Variants in TMEM45A observed in about 807,000 individuals in gnomAD.
TMEM45A encodes transmembrane protein 45A.
In TMEM45A, 25 loss-of-function variants were observed where a neutral mutation model predicts 32.0. The observed-to-expected ratio is 0.78, with a 90% CI of 0.57 to 1.09. The LOEUF is 1.09. Ranked by LOEUF, TMEM45A falls within the 50% of genes least tolerant of loss-of-function variation. The pLI, the probability that TMEM45A is intolerant of heterozygous loss-of-function variation, is 0.00. For synonymous variants in TMEM45A, 122 were observed against 114.8 expected, an observed-to-expected ratio of 1.06 and a Z score of -0.40; for missense variants, 302 against 325.0, an observed-to-expected ratio of 0.93 and a Z score of 0.54.
chr3:100,525,012 G>T (rs955219893), intron 1 of TMEM45A, among the ~76,000 whole-genome samples: 5 of 152,002 alleles, frequency 3.3e-5, no homozygotes, highest in Admixed American at 2.6e-4. Context: ...AACATAGTGA[G>T]ACCTTGTCTT....
In TMEM45A at chr3:100,531,616, A is replaced by G. The variant is rs151242298; in HGVS notation, c.-3-23593A>G. 1.0e-3 allele frequency among the ~76,000 whole-genome samples: 157 copies of G among 152,352 alleles called. 1 individual carries two copies. Among genetic ancestry groups the G allele is most frequent in the Middle Eastern group, 3.4e-3 (1 of 294 alleles). Reference sequence around the variant, plus strand: ...GCAATTGAATTGCTATCATGATGGTAGTAAGCAGCACTGCTTTAATTATCA... The same window carrying G: ...GCAATTGAATTGCTATCATGATGGTGGTAAGCAGCACTGCTTTAATTATCA... On this transcript the variant is annotated intron_variant, in intron 1 of 5. Coordinates refer to ENST00000323523, the MANE Select transcript of TMEM45A (RefSeq NM_018004.3).
rs140517961 is a variant in TMEM45A, at chr3:100,525,684, G to A, written c.-3-29525G>A. On this transcript the variant is annotated intron_variant, in intron 1 of 5. Coordinates refer to ENST00000323523, the MANE Select transcript of TMEM45A (RefSeq NM_018004.3). Reference sequence around the variant, plus strand: ...CAAAAGTGGAGACAGAGCATTCCAGGTAGAGGAAACAGCCTTCCGGGGAGT... The same window carrying A: ...CAAAAGTGGAGACAGAGCATTCCAGATAGAGGAAACAGCCTTCCGGGGAGT... 2.1e-3 allele frequency among the ~76,000 whole-genome samples: 325 copies of A among 152,286 alleles called. 1 individual carries two copies. The highest frequency in any genetic ancestry group is 7.7e-3 in the African/African-American group (318 of 41,550).
intron 1 of TMEM45A, among the ~76,000 whole-genome samples, chr3:100,493,688 T>A (rs1184108316): frequency 6.6e-6 from 1 of 152,156 alleles, no homozygotes; most frequent in Admixed American, 6.5e-5. Flanking sequence ...ATGTATGCTA[T>A]ATAGTATACT....
At chr3:100,533,647 A>G (rs968110311) in intron 1 of TMEM45A, among the ~76,000 whole-genome samples, 2 of 151,894 alleles carry the variant, frequency 1.3e-5, no homozygotes, top group Middle Eastern at 3.2e-3. Flanking sequence ...CACCCTTCAC[A>G]CTGAGACACA....
intron 1 of TMEM45A, among the ~76,000 whole-genome samples, chr3:100,521,516 G>A (rs1034110280): frequency 6.6e-6 from 1 of 152,140 alleles, no homozygotes; most frequent in Non-Finnish European, 1.5e-5. Context: ...GCCTTCCAAC[G>A]TGCTGGGATT....
At chr3:100,539,634 G>A (rs1705825106) in intron 1 of TMEM45A, among the ~76,000 whole-genome samples, 1 of 152,070 alleles carries the variant, frequency 6.6e-6, no homozygotes, top group South Asian at 2.1e-4. Context: ...CTGAGGACCA[G>A]GAGCTCCTAT....
chr3:100,556,621 T>A, intron 2 of TMEM45A, 139 bp from the exon 3 acceptor site: 1 of 812,932 alleles, frequency 1.2e-6, no homozygotes, highest in South Asian at 1.7e-5. Context: ...AGTGCTCAGC[T>A]GTTAGGGAAC....
intron 1 of TMEM45A, among the ~76,000 whole-genome samples, chr3:100,522,298 G>A (rs1705451984): frequency 6.6e-6 from 1 of 152,164 alleles, no homozygotes; most frequent in Admixed American, 6.5e-5. Flanking sequence ...GGGAGATGCA[G>A]TATCAGTCCC....
At chr3:100,555,113 A>G in intron 1 of TMEM45A, 96 bp from the exon 2 acceptor site, 1 of 1,102,478 alleles carries the variant, frequency 9.1e-7, no homozygotes, top group Non-Finnish European at 1.3e-6. Flanking sequence ...ATCCATAATA[A>G]TCAGAAGACA....
At chr3:100,501,171 A>C (rs1708003243) in intron 1 of TMEM45A, among the ~76,000 whole-genome samples, 1 of 152,254 alleles carries the variant, frequency 6.6e-6, no homozygotes, top group Admixed American at 6.5e-5. Context: ...GTCTGATTTT[A>C]GTTCTCTTTT....
At chr3:100,564,530 C>G (rs1018413330) in intron 4 of TMEM45A, among the ~76,000 whole-genome samples, 2 of 151,546 alleles carry the variant, frequency 1.3e-5, no homozygotes, top group Non-Finnish European at 2.9e-5. Flanking sequence ...GGCTGTGGGC[C>G]AGGAGTGCAG....
At chr3:100,550,158 C>T in intron 1 of TMEM45A, among the ~76,000 whole-genome samples, 1 of 144,158 alleles carries the variant, frequency 6.9e-6, no homozygotes. Context: ...AACTAACCTG[C>T]ACAATGTGCA....
Position 100,577,065 on chromosome 3 carries a change from A to ATTGTCT in TMEM45A, c.*51_*52insCTTTGT, listed in dbSNP as rs5851214. ...TCTAGATAAACCTTTTCTTTTTTAC[A>ATTGTCT]TTGTTCTTGGTTTTGTTTCTCGATC... On this transcript the variant is annotated 3_prime_UTR_variant, in exon 6 of 6. Coordinates refer to ENST00000323523, the MANE Select transcript of TMEM45A (RefSeq NM_018004.3). The ATTGTCT allele has an allele frequency of 0.14, 208,970 of 1,480,756 alleles. 19,721 individuals are homozygous for ATTGTCT. The highest frequency in any genetic ancestry group is 0.36 in the African/African-American group (25,290 of 71,132). The allele number at this position is 1,480,756 out of a possible 1,614,324, so 91.7% of individuals were successfully genotyped here.
At chr3:100,562,359 G>A (rs577969873) in intron 4 of TMEM45A, among the ~76,000 whole-genome samples, 1 of 152,208 alleles carries the variant, frequency 6.6e-6, no homozygotes, top group Admixed American at 6.5e-5. Flanking sequence ...TAATTTATTC[G>A]TGTTTGGCCT....
intron 1 of TMEM45A, chr3:100,519,052 A>C (rs573699306): frequency 2.8e-4 from 45 of 158,272 alleles, no homozygotes; most frequent in Admixed American, 1.5e-3. Context: ...AATCAGATTT[A>C]CATGTCTGAT....
chr3:100,506,737 T>C (rs1401294094), intron 1 of TMEM45A, among the ~76,000 whole-genome samples: 2 of 152,144 alleles, frequency 1.3e-5, no homozygotes, highest in East Asian at 1.9e-4. Context: ...TCCTAAGAGG[T>C]TGGAGCTAAG....
chr3:100,576,779 C>A, intron 5 of TMEM45A, 146 bp from the exon 6 acceptor site: 1 of 684,494 alleles, frequency 1.5e-6, no homozygotes. Context: ...CAGGCAGCTC[C>A]AAAGCCAAAT....
At chr3:100,520,331 C>T (rs1705410420) in intron 1 of TMEM45A, among the ~76,000 whole-genome samples, 1 of 152,080 alleles carries the variant, frequency 6.6e-6, no homozygotes, top group Admixed American at 6.5e-5. Context: ...GTGCTCGTTG[C>T]CTTGTCTTCC....
At chr3:100,517,446 A>G (rs1417007949) in intron 1 of TMEM45A, among the ~76,000 whole-genome samples, 1 of 152,218 alleles carries the variant, frequency 6.6e-6, no homozygotes, top group East Asian at 1.9e-4. Flanking sequence ...TTTTCAGGAA[A>G]AGCCACAGGC....
Sources: gnomAD v4.1 joint callset for allele counts (sites outside exome capture counted in the v4.1 genomes callset) on GRCh38, gnomAD v4.1.1 for gene constraint, MANE v1.5 for transcripts, NCBI Gene and HGNC (gene_info 2026-07-23, HGNC 2026-07-21) for gene names.